Variants in KDM4C observed in about 807,000 individuals in gnomAD.
The protein encoded by KDM4C is lysine-specific demethylase 4C.
Under a neutral mutation model 129.3 loss-of-function variants are expected in KDM4C, and 81 were observed. That is an observed-to-expected ratio of 0.63 (90% confidence interval 0.52 to 0.75). The LOEUF (loss-of-function observed/expected upper bound fraction) is 0.75. KDM4C is among the 30% of genes least tolerant of loss of function. The probability of loss-of-function intolerance (pLI) is 0.00; values close to 1 mark genes in which losing one functional copy is unlikely to be tolerated. For synonymous variants in KDM4C, 573 were observed against 456.1 expected (o/e 1.26, Z -3.26); for missense variants, 1,457 against 1,304.0 (o/e 1.12, Z -1.81).
intron 15 of KDM4C, among the ~76,000 whole-genome samples, chr9:7,042,373 T>G (rs542435489): frequency 3.2e-4 from 49 of 152,222 alleles, no homozygotes; most frequent in African/African-American, 1.2e-3. Context: ...GTAACATAAC[T>G]AAAATCTTGG....
chr9:6,747,335 C>G (rs1817916530), intron 1 of KDM4C, among the ~76,000 whole-genome samples: 2 of 151,850 alleles, frequency 1.3e-5, no homozygotes, highest in African/African-American at 4.8e-5. Context: ...ATCGCGAGGT[C>G]AGGAGATCGA....
At chr9:6,762,449 G>A (rs780113183) in intron 1 of KDM4C, among the ~76,000 whole-genome samples, 15 of 152,032 alleles carry the variant, frequency 9.9e-5, no homozygotes, top group Non-Finnish European at 2.1e-4. Flanking sequence ...TGGGATTACA[G>A]GTGTGAGCCA....
chr9:7,021,844 T>G (rs1563997450), intron 15 of KDM4C, among the ~76,000 whole-genome samples: 1 of 152,184 alleles, frequency 6.6e-6, no homozygotes, highest in African/African-American at 2.4e-5. Flanking sequence ...TGGGAAGAGA[T>G]AGGGGTCAAG....
At chr9:7,087,932 A>C (rs1408841114) in intron 17 of KDM4C, among the ~76,000 whole-genome samples, 2 of 152,242 alleles carry the variant, frequency 1.3e-5, no homozygotes, top group East Asian at 3.8e-4. Flanking sequence ...CAGTTTATGG[A>C]GAACGCCGAT....
chr9:6,747,322 C>T (rs1457694839), intron 1 of KDM4C, among the ~76,000 whole-genome samples: 3 of 151,096 alleles, frequency 2.0e-5, no homozygotes, highest in East Asian at 2.0e-4. Flanking sequence ...CCGAGAGGGG[C>T]GGATCGCGAG....
chr9:6,747,377 C>T (rs938805694), intron 1 of KDM4C, among the ~76,000 whole-genome samples: 1 of 151,616 alleles, frequency 6.6e-6, no homozygotes, highest in Admixed American at 6.6e-5. Context: ...GAAACCCCGT[C>T]TCTACTAAAA....
intron 18 of KDM4C, among the ~76,000 whole-genome samples, chr9:7,110,393 C>T (rs539223648): frequency 6.6e-6 from 1 of 152,240 alleles, no homozygotes; most frequent in East Asian, 1.9e-4. Flanking sequence ...GTTGATATAT[C>T]CAATTCTCCT....
At chr9:7,146,855 A>G (rs1279122706) in intron 19 of KDM4C, among the ~76,000 whole-genome samples, 3 of 152,162 alleles carry the variant, frequency 2.0e-5, no homozygotes, top group African/African-American at 7.2e-5. Flanking sequence ...TGTCCTCTGT[A>G]GTTCTGTGTT....
At position 6,729,928 on chromosome 9, in the gene KDM4C, G is replaced by A. The variant is rs552829045; in HGVS notation, c.49+8931G>A. Among the ~76,000 whole-genome samples the A allele has an allele frequency of 3.0e-5, 4 of 133,750 alleles. 1 individual carries two copies. Among genetic ancestry groups the A allele is most frequent in the African/African-American group, 3.2e-5 (1 of 31,426 alleles). The allele number at this position is 133,750 out of a possible 152,430, so 87.7% of individuals were successfully genotyped here. On this transcript the variant is annotated intron_variant, in intron 1 of 17. Coordinates refer to the KDM4C transcript ENST00000536108. ...AGTTCAAGACCAGCCTGGCCAACAT[G>A]GCGAAAATTAATCTCTACTAAATAT...
chr9:7,060,607 G>A (rs1002459596), intron 17 of KDM4C, among the ~76,000 whole-genome samples: 24 of 151,926 alleles, frequency 1.6e-4, no homozygotes, highest in Admixed American at 1.2e-3. Flanking sequence ...TCAGCCTCCT[G>A]AGTAGCTGGG....
At chr9:6,896,128 T>C (rs116761934) in intron 8 of KDM4C, among the ~76,000 whole-genome samples, 1 of 152,166 alleles carries the variant, frequency 6.6e-6, no homozygotes, top group Non-Finnish European at 1.5e-5. Context: ...TCCTGGAAAC[T>C]GATGTGTAGT....
intron 2 of KDM4C, among the ~76,000 whole-genome samples, chr9:6,799,004 G>A (rs1828363010): frequency 8.5e-6 from 1 of 118,198 alleles, no homozygotes; most frequent in African/African-American, 3.6e-5. Flanking sequence ...TCCTAGATGG[G>A]ATGGCGGCCG....
chr9:6,874,984 G>C (rs369588857), intron 5 of KDM4C, among the ~76,000 whole-genome samples: 2 of 152,002 alleles, frequency 1.3e-5, no homozygotes, highest in East Asian at 3.9e-4. Context: ...TTTAGGTCTT[G>C]GGAGTTTGAC....
chr9:6,889,852 G>C (rs1007591370), intron 7 of KDM4C, among the ~76,000 whole-genome samples: 2 of 152,186 alleles, frequency 1.3e-5, no homozygotes, highest in Non-Finnish European at 2.9e-5. Flanking sequence ...CCCCAGGAGG[G>C]AGGCCTCTGG....
rs1822284953 is a variant in KDM4C at position 6,773,301 on chromosome 9, C to T, written c.-18+15098C>T. ...ACAGGCTGTGCCCAGCCACAATGTG[C>T]AAATGCTACCATAAATTACCATTTT... On this transcript the variant is annotated intron_variant, in intron 1 of 21. Coordinates refer to ENST00000381309, the MANE Select transcript of KDM4C (RefSeq NM_015061.6). 5.3e-5 allele frequency among the ~76,000 whole-genome samples: 8 copies of T among 152,278 alleles called. No individual in the cohort carries two copies. The South Asian group carries it at 1.7e-3, about 32-fold the overall frequency.
intron 8 of KDM4C, among the ~76,000 whole-genome samples, chr9:6,966,529 A>C (rs921870378): frequency 3.5e-4 from 53 of 152,264 alleles, no homozygotes; most frequent in African/African-American, 1.2e-3. Context: ...CAGTAAGCCA[A>C]GGCATGAAGA....
At chr9:6,788,370 C>T (rs1825889621) in intron 1 of KDM4C, among the ~76,000 whole-genome samples, 1 of 152,172 alleles carries the variant, frequency 6.6e-6, no homozygotes, top group African/African-American at 2.4e-5. Context: ...CTCGGGCCAC[C>T]CTTGTTCTTT....
chr9:7,132,786 C>T (rs1023766518), intron 19 of KDM4C, among the ~76,000 whole-genome samples: 31 of 152,198 alleles, frequency 2.0e-4, no homozygotes, highest in African/African-American at 7.2e-4. Flanking sequence ...GCTTCCTTTC[C>T]TCTGAACTTT....
rs778875703 is a variant in KDM4C, at chr9:6,990,412, C to G, written c.1678-4C>G. On this transcript the variant is annotated splice_polypyrimidine_tract_variant and splice_region_variant and intron_variant, in intron 11 of 21. Coordinates refer to ENST00000381309, the MANE Select transcript of KDM4C (RefSeq NM_015061.6). ...TTTCTCCACCATTTTTGTTCTATAA[C>G]TAGATAGCAGAGGGAGAGAACAAAA... 8.8e-6 allele frequency: 14 copies of G among 1,585,628 alleles called. No individual in the cohort carries two copies. The East Asian group carries it at 2.0e-4, about 23-fold the overall frequency.
Sources: gnomAD v4.1 joint callset for allele counts (sites outside exome capture counted in the v4.1 genomes callset) on GRCh38, gnomAD v4.1.1 for gene constraint, MANE v1.5 for transcripts, NCBI Gene and HGNC (gene_info 2026-07-23, HGNC 2026-07-21) for gene names.